DYNC1H1: variants seen among roughly 807,000 people sequenced by gnomAD.
The protein encoded by DYNC1H1 is cytoplasmic dynein 1 heavy chain 1.
A neutral mutation model predicts 527.1 loss-of-function variants in DYNC1H1; 51 were observed. The ratio of observed to expected loss-of-function variants is 0.10; its 90% confidence interval spans 0.08 to 0.12. DYNC1H1 has a LOEUF of 0.12. Ranked by LOEUF, DYNC1H1 falls within the 10% of genes least tolerant of loss-of-function variation. DYNC1H1 has a pLI of 1.00. For synonymous variants in DYNC1H1, 2,189 were observed against 2,278.8 expected (o/e 0.96, Z 1.12); for missense variants, 2,771 against 5,971.8 (o/e 0.46, Z 17.66).
chr14:101,973,778 T>C (rs774022308), intron 1 of DYNC1H1, among the ~76,000 whole-genome samples: 31 of 152,328 alleles, frequency 2.0e-4, no homozygotes, highest in Admixed American at 4.6e-4. Context: ...CGTTCCAGCC[T>C]GGGCGGCAGA....
Position 101,964,807 on chromosome 14 carries a change from C to G in DYNC1H1, c.116C>G (p.Pro39Arg). 1 of 1,604,224 alleles carries G rather than the reference C, an allele frequency of 6.2e-7. No homozygotes were observed. Among genetic ancestry groups the G allele is most frequent in the Non-Finnish European group, 8.5e-7 (1 of 1,176,770 alleles). Residue 39 changes from proline to arginine, a missense_variant, in exon 1 of 78, where the codon CCG becomes CGG. Coordinates refer to ENST00000360184, the MANE Select transcript of DYNC1H1 (RefSeq NM_001376.5). This position sits in a 1 kb window ranked among gnomAD's most constrained non-coding sequence, Gnocchi z 5.5. ...VLQKHLRKLV[P>R]LLLEDGGEAP... ...CAGAAGCACCTGCGCAAGCTGGTGCCGCTGCTGCTGGAGGACGGCGGCGAG... is the reference window on the plus strand; with the variant it reads ...CAGAAGCACCTGCGCAAGCTGGTGCGGCTGCTGCTGGAGGACGGCGGCGAG...
chr14:102,015,098 T>C lies in DYNC1H1; in HGVS notation c.7015-7T>C. 6.2e-7 allele frequency: 1 copy of C among 1,614,252 alleles called. No homozygotes were observed. Among genetic ancestry groups the C allele is most frequent in the Non-Finnish European group, 8.5e-7 (1 of 1,180,026 alleles). ...GTCATTAAATCTGCTTAATGTTTTC[T>C]TTCAAGGTGAGAATAATGTTTGAGG... On this transcript the variant is annotated splice_polypyrimidine_tract_variant and splice_region_variant and intron_variant, in intron 34 of 77. Transcript: ENST00000360184. This position sits in a 1 kb window ranked among gnomAD's most constrained non-coding sequence, Gnocchi z 6.9.
At chr14:102,004,414 A>C (rs1413353305) in intron 23 of DYNC1H1, 104 bp from the exon 24 acceptor site, 22 of 1,344,698 alleles carry the variant, frequency 1.6e-5, no homozygotes, top group Non-Finnish European at 1.9e-5. Flanking sequence ...GATTGCCACC[A>C]CCAGACACAT....
At position 102,028,054 on chromosome 14, in the gene DYNC1H1, A is replaced by G. The variant is rs769357314; in HGVS notation, c.9381A>G (p.Pro3127=). The part of the protein sequence containing the change: ...KPNYIVPDYM[P]VVYDKLPQPP... ...ATTACATCGTGCCTGATTACATGCC[A>G]GTTGTGTATGATAAGCTGCCGCAGC... The change falls in exon 48 of 78, where the codon CCA becomes CCG. Residue 3127 remains proline (P), a synonymous_variant. Coordinates refer to ENST00000360184, the MANE Select transcript of DYNC1H1 (RefSeq NM_001376.5). The G allele has an allele frequency of 2.5e-6, 4 of 1,614,214 alleles. No individual in the cohort carries two copies. In the South Asian group the frequency reaches 4.4e-5, roughly 18 times the overall value.
In DYNC1H1 at chr14:102,008,850, C is replaced by CA. The variant is rs2048226772; in HGVS notation, c.5977+514dup. ...TTTAGTCCTCATTCTAGGGCAGCAG[C>CA]ATAGAGGTTTCTATGTCCTAGGACA... On this transcript the variant is annotated intron_variant, in intron 29 of 77. Coordinates refer to ENST00000360184, the MANE Select transcript of DYNC1H1 (RefSeq NM_001376.5). Among the ~76,000 whole-genome samples the CA allele has an allele frequency of 2.6e-5, 4 of 152,192 alleles. No individual in the cohort carries two copies. The South Asian group carries it at 8.3e-4, about 32-fold the overall frequency.
chr14:101,994,958 G>T (rs1445579940), intron 13 of DYNC1H1, 28 bp from the exon 14 acceptor site: 1 of 1,613,254 alleles, frequency 6.2e-7, no homozygotes, highest in Admixed American at 1.7e-5. Context: ...AAGAGCTGAT[G>T]ATGTGTTGTG....
In DYNC1H1 at chr14:102,030,372, A is replaced by G. The variant is rs1368023581; in HGVS notation, c.9883+90A>G. ...GTTCAGGTCACTGAACATTGCACAT[A>G]TGCTTCCCTCAAAGGTTCTGGTTTC... On this transcript the variant is annotated intron_variant, in intron 51 of 77. Coordinates refer to ENST00000360184, the MANE Select transcript of DYNC1H1 (RefSeq NM_001376.5). 20 of 1,594,060 alleles carry G rather than the reference A, an allele frequency of 1.3e-5. No homozygotes were observed. The East Asian group carries it at 1.3e-4, about 11-fold the overall frequency.
intron 42 of DYNC1H1, among the ~76,000 whole-genome samples, chr14:102,022,017 T>C (rs1368496525): frequency 6.6e-6 from 1 of 151,924 alleles, no homozygotes; most frequent in East Asian, 1.9e-4. Context: ...ATGCCTGTAA[T>C]CCCAGCTACT....
chr14:102,001,514 A>T lies in DYNC1H1; in HGVS notation c.4396-21A>T. 1.2e-6 allele frequency: 2 copies of T among 1,614,166 alleles called. No individual in the cohort carries two copies. Among genetic ancestry groups the T allele is most frequent in the Non-Finnish European group, 1.7e-6 (2 of 1,180,034 alleles). On this transcript the variant is annotated intron_variant, in intron 20 of 77. Transcript: ENST00000360184. This position sits in a 1 kb window ranked among gnomAD's most constrained non-coding sequence, Gnocchi z 5.0. Reference sequence around the variant, plus strand: ...GAATGCCCACATATTGATAACATGCATCTTTCTGGTTTGAATTCAGATAAG... The same window carrying T: ...GAATGCCCACATATTGATAACATGCTTCTTTCTGGTTTGAATTCAGATAAG...
intron 72 of DYNC1H1, 174 bp from the exon 73 acceptor site, chr14:102,047,639 GTGTA>G (rs368823706): frequency 0.011 from 3,752 of 347,776 alleles, 9 homozygotes; most frequent in Non-Finnish European, 0.014. Context: ...GTGTGTGTGT[GTGTA>G]TATATATATA....
Position 102,011,854 on chromosome 14 carries a change from C to T in DYNC1H1, c.6619-21C>T, listed in dbSNP as rs1288729869. On this transcript the variant is annotated intron_variant, in intron 32 of 77. Transcript: ENST00000360184. The surrounding 1 kb of genome is among the most constrained non-coding windows in gnomAD (Gnocchi z 5.3). ...TTCCTCCTCTGGGATGGTCACTGTGCTGGTCTGTTGGGCCCTGCAGGTTCT... is the reference window on the plus strand; with the variant it reads ...TTCCTCCTCTGGGATGGTCACTGTGTTGGTCTGTTGGGCCCTGCAGGTTCT... 1 of 1,612,942 alleles carries T rather than the reference C, an allele frequency of 6.2e-7. No homozygotes were observed. Among genetic ancestry groups the T allele is most frequent in the Non-Finnish European group, 8.5e-7 (1 of 1,179,090 alleles).
In DYNC1H1 at chr14:101,995,228, C is replaced by T. The variant is rs759097348; in HGVS notation, c.3492C>T (p.Ser1164=). Reference sequence around the variant, plus strand: ...ACTCAGTAGACACGGCCAGCACCTCCGATGCAGTGACCTTCATCACCTATG... The same window carrying T: ...ACTCAGTAGACACGGCCAGCACCTCTGATGCAGTGACCTTCATCACCTATG... ...EQHSVDTAST[S]DAVTFITYVQ... The change falls in exon 15 of 78, where the codon TCC becomes TCT. Residue 1164 remains serine (S), a synonymous_variant. Transcript: ENST00000360184. 6.8e-6 allele frequency: 11 copies of T among 1,614,190 alleles called. No individual in the cohort carries two copies. The highest frequency in any genetic ancestry group is 4.5e-5 in the East Asian group (2 of 44,886).
Position 102,048,601 on chromosome 14 carries a change from T to C in DYNC1H1, c.13304T>C (p.Val4435Ala), listed in dbSNP as rs1469263725. The C allele has an allele frequency of 1.2e-6, 2 of 1,614,170 alleles. No individual in the cohort carries two copies. Among genetic ancestry groups the C allele is most frequent in the Non-Finnish European group, 1.7e-6 (2 of 1,180,030 alleles). ...QDVRQDLADVVQVCEGKKKQT... is the reference protein window; with the variant it reads ...QDVRQDLADVAQVCEGKKKQT... ...GTTCGCCAGGACCTTGCAGATGTCG[T>C]CCAGGTGTGCGAAGGAAAGAAGAAG... The change falls in exon 74 of 78, where the codon GTC becomes GCC. Residue 4435 changes from valine to alanine, a missense_variant. Val to Ala is a moderately conservative substitution (Grantham distance 64). Transcript: ENST00000360184.
At position 102,027,301 on chromosome 14, in the gene DYNC1H1, G is replaced by T; in HGVS notation, c.8886+13G>T. The T allele has an allele frequency of 6.2e-7, 1 of 1,614,024 alleles. No individual in the cohort carries two copies. Among genetic ancestry groups the T allele is most frequent in the South Asian group, 1.1e-5 (1 of 91,066 alleles). On this transcript the variant is annotated intron_variant, in intron 45 of 77. Transcript: ENST00000360184. This position sits in a 1 kb window ranked among gnomAD's most constrained non-coding sequence, Gnocchi z 7.7. ...GTACCAGATTAAGGTGCGTCTGGTCGGTGGCCTCTTAATCCCAGCAACAGA... is the reference window on the plus strand; with the variant it reads ...GTACCAGATTAAGGTGCGTCTGGTCTGTGGCCTCTTAATCCCAGCAACAGA...
At position 102,042,334 on chromosome 14, in the gene DYNC1H1, T is replaced by G; in HGVS notation, c.12275+46T>G. 6.2e-7 allele frequency: 1 copy of G among 1,614,152 alleles called. No homozygotes were observed. The highest frequency in any genetic ancestry group is 8.5e-7 in the Non-Finnish European group (1 of 1,180,018). On this transcript the variant is annotated intron_variant, in intron 67 of 77. Coordinates refer to ENST00000360184, the MANE Select transcript of DYNC1H1 (RefSeq NM_001376.5). This position sits in a 1 kb window ranked among gnomAD's most constrained non-coding sequence, Gnocchi z 5.7. ...TGAAGAAAGCCTTAGTCCCCAGGCA[T>G]TCAGGCAGGCAGCCTGGCATGCTGT...
At chr14:101,971,506 C>G (rs1460348030) in intron 1 of DYNC1H1, among the ~76,000 whole-genome samples, 1 of 152,156 alleles carries the variant, frequency 6.6e-6, no homozygotes, top group Non-Finnish European at 1.5e-5. Flanking sequence ...GCAGGCAGAT[C>G]ACTTGAGCTC....
intron 18 of DYNC1H1, chr14:102,000,604 C>T (rs1021141712): frequency 2.9e-4 from 142 of 483,936 alleles, no homozygotes; most frequent in Admixed American, 7.2e-4. Context: ...GACGGAGTTT[C>T]GCTCTTGTTG....
chr14:102,055,110 A>T lies in DYNC1H1; in HGVS notation c.*4547A>T, dbSNP rs1164660926. The T allele has an allele frequency of 6.6e-6, 1 of 151,720 alleles. No individual in the cohort carries two copies. The allele number at this position is 151,720 out of a possible 1,614,324, so 9.4% of individuals were successfully genotyped here. On this transcript the variant is annotated 3_prime_UTR_variant, in exon 78 of 78. Transcript: ENST00000360184. ...CAGGTCAAAGTGGGCCTTCGGGAGG[A>T]CCCTGGAGGAGAAGCCCCCTCCTCT...
At position 102,010,585 on chromosome 14, in the gene DYNC1H1, G is replaced by A. The variant is rs146907833; in HGVS notation, c.6405+126G>A. The A allele has an allele frequency of 6.6e-7, 1 of 1,505,072 alleles. No individual in the cohort carries two copies. Among genetic ancestry groups the A allele is most frequent in the Non-Finnish European group, 9.1e-7 (1 of 1,102,808 alleles). The allele number at this position is 1,505,072 out of a possible 1,614,324, so 93.2% of individuals were successfully genotyped here. A position where few individuals can be genotyped will look rare whatever the true frequency, so the allele number is the denominator to read the frequency against. ...TGTCTTGGGATGGCTGAAATAGACTGTAATGTTGACCCAGTGAGTCGAGTG... is the reference window on the plus strand; with the variant it reads ...TGTCTTGGGATGGCTGAAATAGACTATAATGTTGACCCAGTGAGTCGAGTG... On this transcript the variant is annotated intron_variant, in intron 31 of 77. Coordinates refer to ENST00000360184, the MANE Select transcript of DYNC1H1 (RefSeq NM_001376.5). The surrounding 1 kb of genome is among the most constrained non-coding windows in gnomAD (Gnocchi z 6.0).
Sources: allele counts gnomAD v4.1 joint callset (sites outside exome capture counted in the v4.1 genomes callset), GRCh38; gene constraint gnomAD v4.1.1; non-coding constraint Gnocchi (gnomAD v3.1); transcripts MANE v1.5; gene names NCBI Gene and HGNC (gene_info 2026-07-23, HGNC 2026-07-21).